ATRNL1: variants seen among roughly 807,000 people sequenced by gnomAD.
ATRNL1 encodes the protein attractin like 1.
Under a neutral mutation model 182.7 loss-of-function variants are expected in ATRNL1, and 95 were observed. That is an observed-to-expected ratio of 0.52 (90% CI 0.44 to 0.62). The LOEUF (loss-of-function observed/expected upper bound fraction) is 0.62. ATRNL1 is among the 20% of genes least tolerant of loss of function. The pLI is 0.00. For synonymous variants in ATRNL1, 576 were observed against 568.3 expected (o/e 1.01, Z -0.19); for missense variants, 1,471 against 1,679.5 (o/e 0.88, Z 2.17).
intron 27 of ATRNL1, among the ~76,000 whole-genome samples, chr10:115,757,499 T>G (rs1420689871): frequency 6.6e-6 from 1 of 152,240 alleles, no homozygotes; most frequent in African/African-American, 2.4e-5. Context: ...TACTCTCTTC[T>G]GGCTTGTAGG....
intron 26 of ATRNL1, among the ~76,000 whole-genome samples, chr10:115,551,626 A>G (rs1852995744): frequency 6.6e-6 from 1 of 151,542 alleles, no homozygotes; most frequent in Admixed American, 6.6e-5. Flanking sequence ...ATGTTATGCT[A>G]TAGCATTACA....
intron 27 of ATRNL1, among the ~76,000 whole-genome samples, chr10:115,759,703 T>TAGAG (rs1390015015): frequency 3.3e-5 from 5 of 151,434 alleles, no homozygotes; most frequent in African/African-American, 1.2e-4. Context: ...TAAGATGGAA[T>TAGAG]CTCTCCCTGT....
chr10:115,642,889 G>A (rs1312988058), intron 26 of ATRNL1, among the ~76,000 whole-genome samples: 1 of 152,178 alleles, frequency 6.6e-6, no homozygotes, highest in Non-Finnish European at 1.5e-5. Flanking sequence ...TAAAGCAGTG[G>A]CTCTCAACAG....
At chr10:115,677,612 T>C (rs906611752) in intron 26 of ATRNL1, among the ~76,000 whole-genome samples, 2 of 152,070 alleles carry the variant, frequency 1.3e-5, no homozygotes, top group Non-Finnish European at 2.9e-5. Context: ...GCTGCCGCCA[T>C]GTAAGAAGTG....
chr10:115,112,159 A>AC (rs1844285798), intron 1 of ATRNL1, among the ~76,000 whole-genome samples: 1 of 152,226 alleles, frequency 6.6e-6, no homozygotes, highest in African/African-American at 2.4e-5. Flanking sequence ...TGAAGGTGAC[A>AC]CAAGTAAATG....
chr10:115,239,016 A>G (rs1850299832), intron 9 of ATRNL1, among the ~76,000 whole-genome samples: 1 of 152,074 alleles, frequency 6.6e-6, no homozygotes, highest in African/African-American at 2.4e-5. Context: ...TATCGACATG[A>G]TGGATTGAAT....
chr10:115,094,641 C>T (rs2084967654), intron 1 of ATRNL1, among the ~76,000 whole-genome samples: 1 of 152,194 alleles, frequency 6.6e-6, no homozygotes, highest in African/African-American at 2.4e-5. Context: ...TTCCCTACAA[C>T]AACTCTGTGA....
chr10:115,203,351 A>C (rs1275763946), intron 8 of ATRNL1, among the ~76,000 whole-genome samples: 2 of 152,078 alleles, frequency 1.3e-5, no homozygotes, highest in Non-Finnish European at 2.9e-5. Context: ...ATCTACAATG[A>C]CTTCTTAGAG....
At chr10:115,341,940 T>A (rs1224520943) in intron 19 of ATRNL1, among the ~76,000 whole-genome samples, 1 of 152,140 alleles carries the variant, frequency 6.6e-6, no homozygotes, top group Non-Finnish European at 1.5e-5. Flanking sequence ...AGGCAACAGA[T>A]TATTGAGTAT....
intron 27 of ATRNL1, among the ~76,000 whole-genome samples, chr10:115,801,331 A>T (rs1280910484): frequency 6.6e-6 from 1 of 152,182 alleles, no homozygotes; most frequent in Non-Finnish European, 1.5e-5. Flanking sequence ...CTTAAGGTGG[A>T]ATAGGGTACC....
At chr10:115,544,781 A>G (rs144289938) in intron 25 of ATRNL1, among the ~76,000 whole-genome samples, 2 of 152,328 alleles carry the variant, frequency 1.3e-5, no homozygotes, top group African/African-American at 4.8e-5. Flanking sequence ...AGAAATTCAG[A>G]TGATGGAAAT....
At chr10:115,519,221 GAGA>G (rs2133700460) in intron 24 of ATRNL1, 39 bp from the exon 25 acceptor site, 2 of 1,508,332 alleles carry the variant, frequency 1.3e-6, no homozygotes, top group East Asian at 4.5e-5. Context: ...ACAGGTTTTA[GAGA>G]AGAACATACT....
chr10:115,573,984 G>A (rs1305197050), intron 26 of ATRNL1, among the ~76,000 whole-genome samples: 1 of 152,130 alleles, frequency 6.6e-6, no homozygotes, highest in African/African-American at 2.4e-5. Flanking sequence ...AGGAGAACCT[G>A]TGACAGACAG....
intron 28 of ATRNL1, among the ~76,000 whole-genome samples, chr10:115,913,276 C>G (rs553057950): frequency 2.1e-4 from 32 of 152,312 alleles, no homozygotes; most frequent in African/African-American, 7.2e-4. Context: ...ATGTCCTCCA[C>G]CAACACAGTC....
At chr10:115,494,064 A>G (rs1320888660) in intron 24 of ATRNL1, among the ~76,000 whole-genome samples, 2 of 152,004 alleles carry the variant, frequency 1.3e-5, no homozygotes, top group African/African-American at 2.4e-5. Flanking sequence ...CTCTTATTCT[A>G]TAGGCTGCTT....
intron 26 of ATRNL1, among the ~76,000 whole-genome samples, chr10:115,644,793 T>C (rs1205893026): frequency 1.3e-5 from 2 of 152,216 alleles, no homozygotes; most frequent in African/African-American, 4.8e-5. Flanking sequence ...TAAAACTACA[T>C]ATAAAGTGCT....
chr10:115,626,271 T>C (rs1555024607), intron 26 of ATRNL1, among the ~76,000 whole-genome samples: 1 of 152,226 alleles, frequency 6.6e-6, no homozygotes, highest in Non-Finnish European at 1.5e-5. Flanking sequence ...TTGTTGTTTC[T>C]GGAAGGTGGA....
At chr10:115,791,986 T>G (rs914433061) in intron 27 of ATRNL1, among the ~76,000 whole-genome samples, 5 of 152,188 alleles carry the variant, frequency 3.3e-5, no homozygotes, top group Non-Finnish European at 5.9e-5. Context: ...CTTTTTGTTC[T>G]CTGGTACAAT....
intron 28 of ATRNL1, among the ~76,000 whole-genome samples, chr10:115,938,480 G>A (rs190642265): frequency 6.6e-6 from 1 of 152,166 alleles, no homozygotes; most frequent in Admixed American, 6.5e-5. Flanking sequence ...TTTTTTCTAA[G>A]GTTGCAGGTG....
Sources: allele counts gnomAD v4.1 joint callset (sites outside exome capture counted in the v4.1 genomes callset), GRCh38; gene constraint gnomAD v4.1.1; transcripts MANE v1.5; gene names NCBI Gene and HGNC (gene_info 2026-07-23, HGNC 2026-07-21).